The following PTPRD variants were observed in gnomAD, a reference collection of about 807,000 sequenced individuals.
PTPRD encodes protein tyrosine phosphatase receptor type D.
A neutral mutation model predicts 214.5 loss-of-function variants in PTPRD; 34 were observed. The ratio of observed to expected loss-of-function variants is 0.16; its 90% CI spans 0.12 to 0.21. PTPRD has a LOEUF of 0.21. Among genes scored for constraint, PTPRD ranks in the 10% least tolerant of loss-of-function variants. The pLI is 1.00. For synonymous variants in PTPRD, 1,128 were observed against 845.7 expected (o/e 1.33, Z -5.79); for missense variants, 2,545 against 2,398.7 (o/e 1.06, Z -1.27).
At chr9:8,466,080 T>C (rs1184613650) in intron 31 of PTPRD, among the ~76,000 whole-genome samples, 1 of 151,968 alleles carries the variant, frequency 6.6e-6, no homozygotes, top group African/African-American at 2.4e-5. Flanking sequence ...GCCATCTAAA[T>C]CTTTAAATAT....
intron 30 of PTPRD, among the ~76,000 whole-genome samples, chr9:8,483,551 G>C (rs1304999088): frequency 2.0e-5 from 3 of 152,246 alleles, no homozygotes; most frequent in East Asian, 3.9e-4. Context: ...AGGAGATTGA[G>C]ACCATCCAGG....
At chr9:9,550,107 T>C (rs1181115106) in intron 8 of PTPRD, among the ~76,000 whole-genome samples, 1 of 151,940 alleles carries the variant, frequency 6.6e-6, no homozygotes. Flanking sequence ...TTACCCCCCA[T>C]AACATGAATG....
chr9:8,977,632 A>C (rs2099275375), intron 11 of PTPRD, among the ~76,000 whole-genome samples: 1 of 151,714 alleles, frequency 6.6e-6, no homozygotes, highest in African/African-American at 2.4e-5. Context: ...ATAATTCATA[A>C]AAATTTATCT....
chr9:9,018,950 C>A (rs2099548061), intron 10 of PTPRD, among the ~76,000 whole-genome samples: 1 of 152,144 alleles, frequency 6.6e-6, no homozygotes, highest in Middle Eastern at 3.4e-3. Context: ...AGAAGCAAAA[C>A]ATGTTATGAT....
intron 9 of PTPRD, among the ~76,000 whole-genome samples, chr9:9,221,373 G>T (rs2099955888): frequency 1.3e-5 from 2 of 152,036 alleles, no homozygotes; most frequent in Admixed American, 1.3e-4. Context: ...TGAGAGGAAA[G>T]AAAGCAAAAG....
chr9:9,571,555 T>C (rs1410284303), intron 8 of PTPRD, among the ~76,000 whole-genome samples: 5 of 151,274 alleles, frequency 3.3e-5, no homozygotes, highest in Non-Finnish European at 5.9e-5. Context: ...AGAACATTCA[T>C]ATTGCATACT....
intron 5 of PTPRD, among the ~76,000 whole-genome samples, chr9:9,857,371 T>C (rs775875670): frequency 6.6e-6 from 1 of 152,180 alleles, no homozygotes; most frequent in Non-Finnish European, 1.5e-5. Context: ...AGAACAACAA[T>C]TCATTGGAAT....
chr9:8,326,006 C>T (rs1347279577), intron 44 of PTPRD, among the ~76,000 whole-genome samples: 1 of 152,160 alleles, frequency 6.6e-6, no homozygotes, highest in Non-Finnish European at 1.5e-5. Flanking sequence ...ACAATGTTGT[C>T]ATGTGCAAAC....
chr9:8,970,519 T>C (rs935312475), intron 11 of PTPRD, among the ~76,000 whole-genome samples: 6 of 151,608 alleles, frequency 4.0e-5, no homozygotes, highest in African/African-American at 9.7e-5. Flanking sequence ...AAAGTGATAA[T>C]CAAATACAAG....
chr9:9,551,444 C>T (rs1296856590), intron 8 of PTPRD, among the ~76,000 whole-genome samples: 2 of 151,816 alleles, frequency 1.3e-5, no homozygotes, highest in South Asian at 2.1e-4. Flanking sequence ...TACATCAATA[C>T]AAGTCTTTTA....
chr9:8,719,672 G>A lies in PTPRD; in HGVS notation c.64+14108C>T, dbSNP rs965824431. On this transcript the variant is annotated intron_variant, in intron 12 of 45. Transcript: ENST00000381196. ...CTGTGGCTACTTTCTTGTTACAGTG[G>A]CAGAGTTGAATAGCTGTGATAGAGA... Among the ~76,000 whole-genome samples, 15 of 151,658 alleles carry A rather than the reference G, an allele frequency of 9.9e-5. 1 individual carries two copies. In the South Asian group the frequency reaches 3.1e-3, roughly 32 times the overall value.
chr9:8,386,155 G>A (rs2086952483), intron 37 of PTPRD, among the ~76,000 whole-genome samples: 1 of 152,150 alleles, frequency 6.6e-6, no homozygotes, highest in Admixed American at 6.5e-5. Context: ...AAGGAAAAAT[G>A]AGAATTTGAG....
chr9:9,931,951 C>A (rs983315593), intron 5 of PTPRD, among the ~76,000 whole-genome samples: 4 of 151,852 alleles, frequency 2.6e-5, no homozygotes, highest in Non-Finnish European at 4.4e-5. Context: ...TGGGAGGCAC[C>A]CCCCAGCAGG....
intron 5 of PTPRD, among the ~76,000 whole-genome samples, chr9:9,882,284 G>A (rs775398890): frequency 1.3e-5 from 2 of 151,942 alleles, no homozygotes; most frequent in East Asian, 3.9e-4. Flanking sequence ...ATTTTCTAGA[G>A]GTTCACTAAG....
intron 9 of PTPRD, among the ~76,000 whole-genome samples, chr9:9,375,998 G>C (rs1186089993): frequency 1.3e-5 from 2 of 152,050 alleles, no homozygotes; most frequent in African/African-American, 4.8e-5. Context: ...AGGATTTAAA[G>C]GCCATTCTCC....
At chr9:9,957,083 T>G (rs2093986237) in intron 4 of PTPRD, among the ~76,000 whole-genome samples, 1 of 152,120 alleles carries the variant, frequency 6.6e-6, no homozygotes, top group Non-Finnish European at 1.5e-5. Flanking sequence ...TACAACTAAT[T>G]TAAAAATAAA....
chr9:8,622,348 T>G (rs755735761), intron 14 of PTPRD, among the ~76,000 whole-genome samples: 124 of 151,988 alleles, frequency 8.2e-4, no homozygotes, highest in Non-Finnish European at 1.6e-3. Context: ...AGCTGAGGCT[T>G]CATGTGTCAA....
intron 9 of PTPRD, among the ~76,000 whole-genome samples, chr9:9,266,612 G>T (rs1334331138): frequency 6.7e-6 from 1 of 149,808 alleles, no homozygotes; most frequent in African/African-American, 2.5e-5. Context: ...TAGAATAAGT[G>T]GTATAAATAA....
chr9:8,573,256 C>T (rs529750847), intron 14 of PTPRD, among the ~76,000 whole-genome samples: 1 of 151,892 alleles, frequency 6.6e-6, no homozygotes, highest in Non-Finnish European at 1.5e-5. Flanking sequence ...TTTTGTTATT[C>T]TCTTACATAA....
Sources: gnomAD v4.1 joint callset for allele counts (sites outside exome capture counted in the v4.1 genomes callset) on GRCh38, gnomAD v4.1.1 for gene constraint, MANE v1.5 for transcripts, NCBI Gene and HGNC (gene_info 2026-07-23, HGNC 2026-07-21) for gene names.